SPTAN1: variants seen among roughly 807,000 people sequenced by gnomAD.
SPTAN1 encodes the protein spectrin alpha, non-erythrocytic 1.
A neutral mutation model predicts 331.3 loss-of-function variants in SPTAN1; 61 were observed. The observed-to-expected ratio is 0.18, with a 90% CI of 0.15 to 0.23. The LOEUF (loss-of-function observed/expected upper bound fraction) is 0.23, where lower values mean the gene tolerates loss of function less well. SPTAN1 is among the 10% of genes least tolerant of loss of function. The pLI is 1.00. For missense variants in SPTAN1, 2,043 were observed against 3,147.9 expected, an observed-to-expected ratio of 0.65 and a Z score of 8.40; for synonymous variants, 1,153 against 1,173.9, an observed-to-expected ratio of 0.98 and a Z score of 0.36.
chr9:128,568,435 A>C lies in SPTAN1; in HGVS notation c.238-337A>C, dbSNP rs1413526480. 5.9e-5 allele frequency among the ~76,000 whole-genome samples: 9 copies of C among 152,354 alleles called. No homozygotes were observed. In the East Asian group the frequency reaches 1.7e-3, roughly 29 times the overall value. On this transcript the variant is annotated intron_variant, in intron 2 of 56. Transcript: ENST00000372739. ...TGTTGGTATGGTTCTGTATTTCTAG[A>C]AGGGACTGGATGTTCACATAAAGGC...
intron 21 of SPTAN1, among the ~76,000 whole-genome samples, chr9:128,589,337 A>G (rs2095668): frequency 0.94 from 138,266 of 147,162 alleles, 65,488 homozygotes; most frequent in Non-Finnish European, 1. Flanking sequence ...CACCCAGGCT[A>G]GAGTGCAGTG....
intron 10 of SPTAN1, 75 bp from the exon 11 acceptor site, chr9:128,580,847 G>C: frequency 6.2e-7 from 1 of 1,602,546 alleles, no homozygotes; most frequent in Non-Finnish European, 8.5e-7. Context: ...AGGAATTCCA[G>C]GATAGCTGTT....
Position 128,583,984 on chromosome 9 carries a change from G to T in SPTAN1, c.2193+15G>T, listed in dbSNP as rs536562365. 1.2e-6 allele frequency: 2 copies of T among 1,614,156 alleles called. No homozygotes were observed. Among genetic ancestry groups the T allele is most frequent in the African/African-American group, 2.7e-5 (2 of 75,046 alleles). On this transcript the variant is annotated intron_variant, in intron 16 of 56. Coordinates refer to ENST00000372739, the MANE Select transcript of SPTAN1 (RefSeq NM_001130438.3). ...CTGCTCACCAGGTAGTGTGAACTGG[G>T]GGCTGTGGTTGGGCAAGTGAATGCA... is the stretch of plus-strand genomic sequence containing the variant.
chr9:128,629,665 C>T lies in SPTAN1; in HGVS notation c.6708-656C>T, dbSNP rs1487819165. 5.8e-6 allele frequency: 1 copy of T among 173,342 alleles called. No individual in the cohort carries two copies. The highest frequency in any genetic ancestry group is 2.4e-5 in the African/African-American group (1 of 41,882). The allele number at this position is 173,342 out of a possible 1,614,324, so 10.7% of individuals were successfully genotyped here. ...CTCTTGGGAAGGAGGCTCCCCAGAG[C>T]CCATCTGCTCTCAGAACTTGGTCCT... On this transcript the variant is annotated intron_variant, in intron 51 of 56. Coordinates refer to ENST00000372739, the MANE Select transcript of SPTAN1 (RefSeq NM_001130438.3). This position sits in a 1 kb window ranked among gnomAD's most constrained non-coding sequence, Gnocchi z 4.9.
At chr9:128,589,617 C>T (rs1245412708) in intron 21 of SPTAN1, among the ~76,000 whole-genome samples, 1 of 139,314 alleles carries the variant, frequency 7.2e-6, no homozygotes, top group Non-Finnish European at 1.5e-5. Context: ...GCTCTGTCGT[C>T]CAGGTTGCAG....
intron 12 of SPTAN1, among the ~76,000 whole-genome samples, chr9:128,582,167 T>C (rs1169403822): frequency 6.6e-6 from 1 of 152,218 alleles, no homozygotes; most frequent in Non-Finnish European, 1.5e-5. Context: ...ACTCTTCCCA[T>C]TGAAAATACA....
intron 1 of SPTAN1, among the ~76,000 whole-genome samples, chr9:128,563,583 A>AT (rs1849661142): frequency 6.6e-6 from 1 of 152,206 alleles, no homozygotes; most frequent in Non-Finnish European, 1.5e-5. Context: ...ACTGGATAGA[A>AT]TTCCAATTTT....
chr9:128,576,165 C>T (rs956735543), intron 5 of SPTAN1, among the ~76,000 whole-genome samples: 5 of 152,110 alleles, frequency 3.3e-5, no homozygotes, highest in Admixed American at 2.6e-4. Flanking sequence ...GATTCAAGAA[C>T]CCTGAAATGC....
chr9:128,594,503 T>C, intron 24 of SPTAN1, 130 bp downstream of exon 24: 3 of 876,718 alleles, frequency 3.4e-6, no homozygotes, highest in Middle Eastern at 3.5e-4. Flanking sequence ...TGACTTCGGC[T>C]CACTGCAACC....
chr9:128,576,713 C>A, intron 5 of SPTAN1, 110 bp from the exon 6 acceptor site: 3 of 1,391,850 alleles, frequency 2.2e-6, no homozygotes, highest in East Asian at 2.4e-5. Context: ...TCTTGTGATT[C>A]TCTTCAGAGT....
chr9:128,608,357 T>C (rs946069533), intron 34 of SPTAN1, 81 bp downstream of exon 34: 12 of 1,561,246 alleles, frequency 7.7e-6, no homozygotes, highest in Non-Finnish European at 1.1e-5. Flanking sequence ...GTCACTGTTA[T>C]ATCTCCAAGG....
At chr9:128,586,274 A>G (rs1852625819) in intron 19 of SPTAN1, among the ~76,000 whole-genome samples, 1 of 150,624 alleles carries the variant, frequency 6.6e-6, no homozygotes, top group Non-Finnish European at 1.5e-5. Flanking sequence ...AGGTACCACT[A>G]CCTGCCTAGC....
chr9:128,607,668 G>A lies in SPTAN1; in HGVS notation c.4111G>A (p.Val1371Ile). Residue 1371 changes from valine (V) to isoleucine (I), a missense_variant, in exon 32 of 57, where the codon GTC becomes ATC. Transcript: ENST00000372739. Reference sequence around the variant, plus strand: ...GTCCTCAGATGAGCTAGCCAAGGATGTCACCGGAGCTGAGGCATTGCTGGA... The same window carrying A: ...GTCCTCAGATGAGCTAGCCAAGGATATCACCGGAGCTGAGGCATTGCTGGA... The part of the protein sequence containing the change: ...LVSSDELAKD[V>I]TGAEALLERH... 1 of 1,614,116 alleles carries A rather than the reference G, an allele frequency of 6.2e-7. No homozygotes were observed. The highest frequency in any genetic ancestry group is 1.6e-4 in the Middle Eastern group (1 of 6,062).
rs1263461316 is a variant in SPTAN1 at position 128,587,608 on chromosome 9, T to G, written c.2781T>G (p.Ala927=). 1 of 1,613,624 alleles carries G rather than the reference T, an allele frequency of 6.2e-7. No homozygotes were observed. Among genetic ancestry groups the G allele is most frequent in the Non-Finnish European group, 8.5e-7 (1 of 1,179,954 alleles). ...TCCATGTGTGGTTTTGGTTTCAGGCTCTACTGAAGAAACACGAAGCTTTGA... is the reference window on the plus strand; with the variant it reads ...TCCATGTGTGGTTTTGGTTTCAGGCGCTACTGAAGAAACACGAAGCTTTGA... ...DYGKDEDSAE[A]LLKKHEALMS... is the part of the protein sequence containing the mutation. Residue 927 remains alanine (A), a splice_region_variant and synonymous_variant, in exon 20 of 57, where the codon GCT becomes GCG. Transcript: ENST00000372739.
At chr9:128,568,667 C>T in intron 2 of SPTAN1, 105 bp from the exon 3 acceptor site, 1 of 1,492,978 alleles carries the variant, frequency 6.7e-7, no homozygotes, top group Non-Finnish European at 9.2e-7. Context: ...GTATCCCTAA[C>T]TAGAGGGAGC....
At chr9:128,603,979 A>G (rs1439510258) in intron 28 of SPTAN1, among the ~76,000 whole-genome samples, 1 of 152,214 alleles carries the variant, frequency 6.6e-6, no homozygotes, top group African/African-American at 2.4e-5. Flanking sequence ...GGGAGGCAGC[A>G]GACTCGCTGG....
chr9:128,624,855 T>C, intron 46 of SPTAN1: 1 of 591,756 alleles, frequency 1.7e-6, no homozygotes, highest in South Asian at 2.0e-5. Context: ...GATATCGGGG[T>C]CCACGTGTCC....
At position 128,632,190 on chromosome 9, in the gene SPTAN1, G is replaced by A. The variant is rs375244907; in HGVS notation, c.6826G>A (p.Ala2276Thr). The change falls in exon 53 of 57, where the codon GCC (alanine) becomes ACC (threonine). Residue 2276 changes from alanine (A) to threonine (T), a missense_variant. Coordinates refer to ENST00000372739, the MANE Select transcript of SPTAN1 (RefSeq NM_001130438.3). The stretch of plus-strand genomic sequence containing the variant: ...CAAAAAGATCGAGGACCTGGGGGCC[G>A]CCATGGAGGAGGCCCTCATCCTGGA... Reference protein sequence around the residue: ...QLKKIEDLGAAMEEALILDNK... With the variant: ...QLKKIEDLGATMEEALILDNK... 1.8e-5 allele frequency: 29 copies of A among 1,613,360 alleles called. No individual in the cohort carries two copies. The African/African-American group carries it at 2.1e-4, about 12-fold the overall frequency.
chr9:128,590,013 C>T (rs904296994), intron 21 of SPTAN1, among the ~76,000 whole-genome samples: 1 of 152,184 alleles, frequency 6.6e-6, no homozygotes, highest in Non-Finnish European at 1.5e-5. Flanking sequence ...GGTCCACCAG[C>T]CTTTCTTCCC....
Sources: allele counts gnomAD v4.1 joint callset (sites outside exome capture counted in the v4.1 genomes callset), GRCh38; gene constraint gnomAD v4.1.1; non-coding constraint Gnocchi (gnomAD v3.1); transcripts MANE v1.5; gene names NCBI Gene and HGNC (gene_info 2026-07-23, HGNC 2026-07-21).